Variants in TOX observed in about 807,000 individuals in gnomAD.
The protein encoded by TOX is thymocyte selection-associated high mobility group box protein TOX.
In TOX, 11 loss-of-function variants were observed where a neutral mutation model predicts 53.7. That is an observed-to-expected ratio of 0.20 (90% confidence interval 0.13 to 0.34). The LOEUF is 0.34. TOX is among the 10% of genes least tolerant of loss of function. TOX has a pLI of 1.00. For missense variants in TOX, 570 were observed against 664.6 expected, an observed-to-expected ratio of 0.86 and a Z score of 1.56; for synonymous variants, 225 against 245.3, an observed-to-expected ratio of 0.92 and a Z score of 0.77.
intron 2 of TOX, among the ~76,000 whole-genome samples, chr8:58,950,937 C>T (rs1192232660): frequency 6.6e-6 from 1 of 152,172 alleles, no homozygotes; most frequent in Non-Finnish European, 1.5e-5. Flanking sequence ...GATTGTTCAG[C>T]TTTTATATGT....
chr8:58,935,325 G>T (rs1029466974), intron 3 of TOX, among the ~76,000 whole-genome samples: 9 of 151,820 alleles, frequency 5.9e-5, no homozygotes, highest in Non-Finnish European at 1.2e-4. Flanking sequence ...TGATCCATTC[G>T]AATACTAAAA....
chr8:58,899,922 A>G (rs1372677019), intron 3 of TOX, among the ~76,000 whole-genome samples: 1 of 152,130 alleles, frequency 6.6e-6, no homozygotes, highest in African/African-American at 2.4e-5. Context: ...GAAATTACAA[A>G]ACTGTTTGCC....
intron 2 of TOX, among the ~76,000 whole-genome samples, chr8:58,955,719 G>A (rs951149014): frequency 6.0e-5 from 9 of 151,154 alleles, no homozygotes; most frequent in African/African-American, 1.2e-4. Context: ...ACAGGCAGCC[G>A]TGGAAAAGGA....
intron 1 of TOX, among the ~76,000 whole-genome samples, chr8:58,993,171 G>A (rs1215659946): frequency 6.6e-6 from 1 of 152,104 alleles, no homozygotes; most frequent in Non-Finnish European, 1.5e-5. Context: ...GAACAGTGAA[G>A]GGTTTCCTAG....
chr8:58,966,900 A>C (rs1585930099), intron 1 of TOX, among the ~76,000 whole-genome samples: 1 of 127,828 alleles, frequency 7.8e-6, no homozygotes, highest in African/African-American at 3.0e-5. Flanking sequence ...TTTTAGATGG[A>C]GTCTTGCTCT....
At chr8:59,057,528 T>C (rs918642358) in intron 1 of TOX, among the ~76,000 whole-genome samples, 12 of 152,208 alleles carry the variant, frequency 7.9e-5, no homozygotes, top group African/African-American at 2.7e-4. Context: ...ATTAGAGATA[T>C]TAAAGAACTT....
intron 3 of TOX, among the ~76,000 whole-genome samples, chr8:58,914,761 G>T (rs57882897): frequency 2.7e-5 from 2 of 74,958 alleles, no homozygotes; most frequent in Non-Finnish European, 7.9e-5. Context: ...CGCAGAAGAC[G>T]GGTGATTTCT....
intron 7 of TOX, among the ~76,000 whole-genome samples, chr8:58,814,971 C>T (rs933151506): frequency 1.3e-5 from 2 of 152,168 alleles, no homozygotes; most frequent in African/African-American, 4.8e-5. Context: ...GTAGAATTCT[C>T]TATTCCAAAG....
At chr8:58,884,856 A>G (rs911544753) in intron 3 of TOX, among the ~76,000 whole-genome samples, 2 of 152,152 alleles carry the variant, frequency 1.3e-5, no homozygotes, top group Admixed American at 1.3e-4. Context: ...TATTATTTGC[A>G]TGCATAATAA....
intron 2 of TOX, among the ~76,000 whole-genome samples, chr8:58,957,926 C>T (rs552454490): frequency 6.6e-6 from 1 of 152,112 alleles, no homozygotes; most frequent in African/African-American, 2.4e-5. Context: ...CACACTATTA[C>T]AGTAAACAAA....
At chr8:58,824,998 A>G (rs1416545550) in intron 6 of TOX, among the ~76,000 whole-genome samples, 3 of 152,184 alleles carry the variant, frequency 2.0e-5, no homozygotes, top group African/African-American at 7.2e-5. Context: ...TTTATAACAT[A>G]GTAAAAAAAT....
intron 4 of TOX, among the ~76,000 whole-genome samples, chr8:58,849,536 T>A (rs1810772942): frequency 6.6e-6 from 1 of 152,176 alleles, no homozygotes. Flanking sequence ...AATATGGACC[T>A]AACAGGTTAA....
chr8:58,891,644 T>C (rs1811562894), intron 3 of TOX, among the ~76,000 whole-genome samples: 1 of 152,200 alleles, frequency 6.6e-6, no homozygotes, highest in South Asian at 2.1e-4. Context: ...AAAAGGAAAG[T>C]TGAAAGAGTT....
At chr8:58,818,845 C>A (rs1482501568) in intron 6 of TOX, among the ~76,000 whole-genome samples, 2 of 152,194 alleles carry the variant, frequency 1.3e-5, no homozygotes, top group Non-Finnish European at 2.9e-5. Flanking sequence ...TGGTTAGATA[C>A]ACTGCCCTTT....
chr8:59,010,133 C>T (rs780796038), intron 1 of TOX, among the ~76,000 whole-genome samples: 5 of 152,126 alleles, frequency 3.3e-5, no homozygotes, highest in African/African-American at 9.7e-5. Context: ...TAGGTTCCTA[C>T]CTCTTCCACA....
chr8:59,018,945 A>C (rs1208864151), intron 1 of TOX, among the ~76,000 whole-genome samples: 3 of 152,302 alleles, frequency 2.0e-5, no homozygotes, highest in Middle Eastern at 3.4e-3. Context: ...TTAACTTGCC[A>C]GGACAGTTCC....
intron 1 of TOX, among the ~76,000 whole-genome samples, chr8:59,000,401 G>T (rs1813669132): frequency 6.6e-6 from 1 of 152,084 alleles, no homozygotes; most frequent in Non-Finnish European, 1.5e-5. Flanking sequence ...GAGGCTAGAT[G>T]AATATTATTT....
At chr8:59,036,925 C>A (rs1232827668) in intron 1 of TOX, among the ~76,000 whole-genome samples, 2 of 152,218 alleles carry the variant, frequency 1.3e-5, no homozygotes, top group Non-Finnish European at 2.9e-5. Context: ...AGCCTTCATG[C>A]ATTTCTCCCC....
chr8:59,029,948 T>C (rs142283636), intron 1 of TOX, among the ~76,000 whole-genome samples: 2 of 152,338 alleles, frequency 1.3e-5, no homozygotes, highest in African/African-American at 4.8e-5. Flanking sequence ...ACTAATTTGC[T>C]TCACAGGGTT....
Sources: gnomAD v4.1 joint callset for allele counts (sites outside exome capture counted in the v4.1 genomes callset) on GRCh38, gnomAD v4.1.1 for gene constraint, MANE v1.5 for transcripts, NCBI Gene and HGNC (gene_info 2026-07-23, HGNC 2026-07-21) for gene names.